GPATCH2: variants seen among roughly 807,000 people sequenced by gnomAD.
GPATCH2 encodes G-patch domain containing 2, also known as G patch domain-containing protein 2.
A neutral mutation model predicts 58.0 loss-of-function variants in GPATCH2; 51 were observed. That is an observed-to-expected ratio of 0.88 (90% CI 0.70 to 1.11). The LOEUF (loss-of-function observed/expected upper bound fraction) is 1.11, where lower values mean the gene tolerates loss of function less well. GPATCH2 is among the 50% of genes most tolerant of loss of function. The pLI, the probability that GPATCH2 is intolerant of heterozygous loss-of-function variation, is 0.00. For synonymous variants in GPATCH2, 222 were observed against 218.5 expected, an observed-to-expected ratio of 1.02 and a Z score of -0.14; for missense variants, 625 against 652.2, an observed-to-expected ratio of 0.96 and a Z score of 0.45.
chr1:217,461,428 C>T (rs1194334489), intron 8 of GPATCH2, among the ~76,000 whole-genome samples: 1 of 152,200 alleles, frequency 6.6e-6, no homozygotes, highest in African/African-American at 2.4e-5. Flanking sequence ...AACTAATATT[C>T]TAGCCAGACT....
rs968447672 is a variant in GPATCH2, at chr1:217,478,294, C to T, written c.1277+13386G>A. 4.6e-5 allele frequency among the ~76,000 whole-genome samples: 7 copies of T among 152,194 alleles called. No individual in the cohort carries two copies. In the East Asian group the frequency reaches 1.4e-3, roughly 29 times the overall value. On this transcript the variant is annotated intron_variant, in intron 8 of 9. Coordinates refer to ENST00000366935, the MANE Select transcript of GPATCH2 (RefSeq NM_018040.5). ...GACCATCCAGGAAAACATGACCCCA[C>T]CACATGAACTAAATAAGGCACGAGG...
chr1:217,597,640 A>ATTAT (rs1667903809), intron 5 of GPATCH2, among the ~76,000 whole-genome samples: 1 of 152,202 alleles, frequency 6.6e-6, no homozygotes, highest in Non-Finnish European at 1.5e-5. Context: ...AAAACTGATT[A>ATTAT]TATGAAAATG....
At position 217,468,716 on chromosome 1, in the gene GPATCH2, A is replaced by T. The variant is rs562249922; in HGVS notation, c.1278-19379T>A. On this transcript the variant is annotated intron_variant, in intron 8 of 9. Coordinates refer to ENST00000366935, the MANE Select transcript of GPATCH2 (RefSeq NM_018040.5). ...ATTCATATATTAAGGGATTATTGTT[A>T]TTTTTTATAGATGGGATAATGATAC... 6.2e-4 allele frequency among the ~76,000 whole-genome samples: 94 copies of T among 152,154 alleles called. 3 individuals carry two copies. The South Asian group carries it at 0.018, about 30-fold the overall frequency.
At position 217,548,418 on chromosome 1, in the gene GPATCH2, T is replaced by C. The variant is rs77858149; in HGVS notation, c.1099-33529A>G. Among the ~76,000 whole-genome samples, 1,533 of 152,342 alleles carry C rather than the reference T, an allele frequency of 0.01. 45 individuals are homozygous for C. In the East Asian group the frequency reaches 0.11, roughly 11 times the overall value. ...ATGCAGTTACCCCTGAAAATGAAAG[T>C]AATCTTTTTGATTACATGTGCTACA... is the stretch of plus-strand genomic sequence containing the variant. On this transcript the variant is annotated intron_variant, in intron 5 of 9. Transcript: ENST00000366935.
intron 5 of GPATCH2, among the ~76,000 whole-genome samples, chr1:217,526,375 G>A (rs1276546008): frequency 6.6e-6 from 1 of 151,968 alleles, no homozygotes; most frequent in Admixed American, 6.6e-5. Flanking sequence ...ACCATTAATT[G>A]CACTAAAAAT....
chr1:217,521,874 T>C (rs1172722683), intron 5 of GPATCH2, among the ~76,000 whole-genome samples: 4 of 152,174 alleles, frequency 2.6e-5, no homozygotes, highest in South Asian at 2.1e-4. Context: ...CCTAGAGGAA[T>C]CCGTACACGT....
At chr1:217,628,260 A>G (rs1215101195) in intron 1 of GPATCH2, among the ~76,000 whole-genome samples, 1 of 152,050 alleles carries the variant, frequency 6.6e-6, no homozygotes, top group African/African-American at 2.4e-5. Flanking sequence ...TAGACAATCC[A>G]TATTCCAAAT....
At chr1:217,580,907 C>G (rs1345528865) in intron 5 of GPATCH2, among the ~76,000 whole-genome samples, 2 of 98,044 alleles carry the variant, frequency 2.0e-5, no homozygotes, top group Non-Finnish European at 4.2e-5. Context: ...ACTGGGGAGG[C>G]TGAGGCAGGA....
intron 9 of GPATCH2, among the ~76,000 whole-genome samples, chr1:217,437,155 G>C (rs1259969778): frequency 6.6e-6 from 1 of 152,172 alleles, no homozygotes; most frequent in Non-Finnish European, 1.5e-5. Flanking sequence ...CCCTAGGCAA[G>C]GGTAGCCTGG....
chr1:217,608,866 A>G (rs1668487264), intron 5 of GPATCH2: 2 of 984,422 alleles, frequency 2.0e-6, no homozygotes, highest in African/African-American at 3.5e-5. Flanking sequence ...TCAAAGTTGC[A>G]TTTTACCATT....
chr1:217,496,131 G>T (rs2102542629), intron 7 of GPATCH2, among the ~76,000 whole-genome samples: 1 of 152,254 alleles, frequency 6.6e-6, no homozygotes, highest in South Asian at 2.1e-4. Context: ...ATACAGTTAG[G>T]TCTGAGTTGA....
At chr1:217,454,521 A>G (rs777000322) in intron 8 of GPATCH2, among the ~76,000 whole-genome samples, 165 of 140,590 alleles carry the variant, frequency 1.2e-3, no homozygotes, top group African/African-American at 3.8e-3. Flanking sequence ...CCCGGAAGGC[A>G]GAGCTTGCAG....
chr1:217,437,210 C>T (rs181855367), intron 9 of GPATCH2, among the ~76,000 whole-genome samples: 2 of 152,218 alleles, frequency 1.3e-5, no homozygotes, highest in Non-Finnish European at 2.9e-5. Flanking sequence ...CCAGATACTA[C>T]GCTGTTCCCA....
At chr1:217,452,249 T>A (rs1177016855) in intron 8 of GPATCH2, among the ~76,000 whole-genome samples, 3 of 152,208 alleles carry the variant, frequency 2.0e-5, no homozygotes, top group African/African-American at 7.2e-5. Flanking sequence ...AACTAAAGAA[T>A]GATGCAAGTT....
chr1:217,470,990 G>A (rs561001945), intron 8 of GPATCH2, among the ~76,000 whole-genome samples: 3 of 151,866 alleles, frequency 2.0e-5, no homozygotes, highest in South Asian at 2.1e-4. Context: ...CTTTTACAAC[G>A]ATAAAATCTA....
chr1:217,629,778 T>C lies in GPATCH2; in HGVS notation c.56+1138A>G, dbSNP rs1251955691. Among the ~76,000 whole-genome samples, 4 of 152,340 alleles carry C rather than the reference T, an allele frequency of 2.6e-5. No homozygotes were observed. The East Asian group carries it at 7.7e-4, about 29-fold the overall frequency. On this transcript the variant is annotated intron_variant, in intron 1 of 9. Coordinates refer to ENST00000366935, the MANE Select transcript of GPATCH2 (RefSeq NM_018040.5). Reference sequence around the variant, plus strand: ...TCATTTAAAAAATGCTCCCTACTTTTCTCACTGGAAAATGTAATAATTTAC... The same window carrying C: ...TCATTTAAAAAATGCTCCCTACTTTCCTCACTGGAAAATGTAATAATTTAC...
intron 6 of GPATCH2, among the ~76,000 whole-genome samples, chr1:217,509,911 GA>G: frequency 6.6e-6 from 1 of 152,236 alleles, no homozygotes; most frequent in African/African-American, 2.4e-5. Flanking sequence ...GAAAAAATAA[GA>G]GAGATAGAGA....
chr1:217,568,147 C>T (rs551757287), intron 5 of GPATCH2, among the ~76,000 whole-genome samples: 1 of 151,942 alleles, frequency 6.6e-6, no homozygotes, highest in East Asian at 1.9e-4. Context: ...AACAAAAAAA[C>T]CCCAACATTA....
Position 217,619,876 on chromosome 1 carries a change from C to A in GPATCH2, c.680G>T (p.Gly227Val). ...CGTTTCCTCACTTTCTAAAACTACT[C>A]CTTCATCTTGGATTTTTGGTCCTTG... ...IRQGPKIQDE[G>V]VVLESEETNQ... Residue 227 changes from glycine (G) to valine (V), a missense_variant, in exon 2 of 10, where the codon GGA becomes GTA. By Grantham distance (109) the Gly-to-Val change is moderately radical. Transcript: ENST00000366935. 1 of 1,613,908 alleles carries A rather than the reference C, an allele frequency of 6.2e-7. No individual in the cohort carries two copies. Among genetic ancestry groups the A allele is most frequent in the South Asian group, 1.1e-5 (1 of 91,076 alleles).
Sources: allele counts gnomAD v4.1 joint callset (sites outside exome capture counted in the v4.1 genomes callset), GRCh38; gene constraint gnomAD v4.1.1; transcripts MANE v1.5; gene names NCBI Gene and HGNC (gene_info 2026-07-23, HGNC 2026-07-21).